The following CD63 variants were observed in gnomAD, a reference collection of about 807,000 sequenced individuals.
CD63 encodes the protein CD63 molecule.
Under a neutral mutation model 29.2 loss-of-function variants are expected in CD63, and 16 were observed. That is an observed-to-expected ratio of 0.55 (90% CI 0.37 to 0.83). The LOEUF (loss-of-function observed/expected upper bound fraction) is 0.83. Ranked by LOEUF, CD63 falls within the 40% of genes least tolerant of loss-of-function variation. The pLI is 0.00. For missense variants in CD63, 251 were observed against 297.3 expected, an observed-to-expected ratio of 0.84 and a Z score of 1.15; for synonymous variants, 118 against 111.7, an observed-to-expected ratio of 1.06 and a Z score of -0.36.
At chr12:55,726,334 CTTT>C (rs777731653) in intron 5 of CD63, 73 bp from the exon 6 acceptor site, 7,011 of 275,756 alleles carry the variant, frequency 0.025, no homozygotes, top group Middle Eastern at 0.045. Flanking sequence ...GATGAGAATT[CTTT>C]TTTTTTTTTT....
chr12:55,723,580 A>G, downstream of CD63: 1 of 364,206 alleles, frequency 2.7e-6, no homozygotes, highest in Non-Finnish European at 5.2e-6. Context: ...GTTACATTGT[A>G]AACTGTTATA....
chr12:55,724,145 A>G, downstream of CD63: 2 of 1,509,318 alleles, frequency 1.3e-6, no homozygotes, highest in Non-Finnish European at 9.0e-7. Context: ...TGGGGCACCC[A>G]GGGCAGGGTT....
chr12:55,729,155 G>A, upstream of CD63: 1 of 984,228 alleles, frequency 1.0e-6, no homozygotes, highest in East Asian at 1.1e-4. Flanking sequence ...CCGGCGCGGG[G>A]TGGGCCGAGC....
chr12:55,729,589 C>T (rs1300926199), upstream of CD63: 1 of 152,314 alleles, frequency 6.6e-6, no homozygotes, highest in Non-Finnish European at 1.5e-5. Flanking sequence ...CTGGGTGTCT[C>T]CCAACATTCT....
chr12:55,725,918 G>A, intron 6 of CD63, 22 bp from the exon 7 acceptor site: 2 of 1,611,166 alleles, frequency 1.2e-6, no homozygotes, highest in Non-Finnish European at 1.7e-6. Context: ...AGGCACAAAG[G>A]ACAAAAGCAC....
At chr12:55,727,689 G>C in intron 2 of CD63, 1 of 1,075,710 alleles carries the variant, frequency 9.3e-7, no homozygotes, top group Non-Finnish European at 1.1e-6. Flanking sequence ...CTATCCTCCA[G>C]TGCACATCCC....
Position 55,728,019 on chromosome 12 carries a change from T to A in CD63, c.66+257A>T. 1.1e-6 allele frequency: 1 copy of A among 923,778 alleles called. No individual in the cohort carries two copies. The highest frequency in any genetic ancestry group is 1.5e-6 in the Non-Finnish European group (1 of 655,866). The allele number at this position is 923,778 out of a possible 1,614,324, so 57.2% of individuals were successfully genotyped here. Reference sequence around the variant, plus strand: ...CCCCACTGCCCCATATCACAAGTGGTTGGGTCACCAGACAGGAAGGGCCAG... The same window carrying A: ...CCCCACTGCCCCATATCACAAGTGGATGGGTCACCAGACAGGAAGGGCCAG... On this transcript the variant is annotated intron_variant, in intron 2 of 7. Transcript: ENST00000257857. This position sits in a 1 kb window ranked among gnomAD's most constrained non-coding sequence, Gnocchi z 4.8.
downstream of CD63, chr12:55,723,570 G>T: frequency 3.0e-6 from 1 of 335,750 alleles, no homozygotes; most frequent in South Asian, 2.7e-5. Context: ...TTTTTAAATG[G>T]TTACATTGTA....
chr12:55,728,403 C>CG lies in CD63; in HGVS notation c.-11-52dup. 3 of 1,565,772 alleles carry CG rather than the reference C, an allele frequency of 1.9e-6. No individual in the cohort carries two copies. Among genetic ancestry groups the CG allele is most frequent in the Non-Finnish European group, 2.6e-6 (3 of 1,155,860 alleles). On this transcript the variant is annotated intron_variant, in intron 1 of 7. Coordinates refer to ENST00000257857, the MANE Select transcript of CD63 (RefSeq NM_001780.6). The surrounding 1 kb of genome is among the most constrained non-coding windows in gnomAD (Gnocchi z 4.8). ...ATTAAAACTGGCCGAAGGGGGACCT[C>CG]GGTTTCCGGGCTCCCGGCCGGCCCT...
In CD63 at chr12:55,728,525, A is replaced by T; in HGVS notation, c.-11-173T>A. 1 of 1,450,108 alleles carries T rather than the reference A, an allele frequency of 6.9e-7. No individual in the cohort carries two copies. Among genetic ancestry groups the T allele is most frequent in the Non-Finnish European group, 9.0e-7 (1 of 1,106,166 alleles). 89.8% of individuals were successfully genotyped at this position (1,450,108 alleles called of 1,614,324 possible). On this transcript the variant is annotated intron_variant, in intron 1 of 7. Transcript: ENST00000257857. The surrounding 1 kb of genome is among the most constrained non-coding windows in gnomAD (Gnocchi z 4.8). ...CCAGCCCCCTCTTTACCCGCAGGAG[A>T]GGGGTGGGGGCGACGGCCGCGAAGC...
At chr12:55,724,589 TTGATTTATTTC>T (rs1877116013), downstream of CD63, 2 of 1,568,396 alleles carry the variant, frequency 1.3e-6, no homozygotes, top group African/African-American at 1.3e-5. Flanking sequence ...GACAAGGACT[TTGATTTATTTC>T]TGCCCCCACC....
chr12:55,726,438 GGGTTCAAGC>G, intron 5 of CD63, 177 bp from the exon 6 acceptor site: 1 of 616,870 alleles, frequency 1.6e-6, no homozygotes, highest in East Asian at 3.0e-5. Flanking sequence ...TCCGCCTCCC[GGGTTCAAGC>G]GATTCTCCTG....
Position 55,728,201 on chromosome 12 carries a change from C to T in CD63, c.66+75G>A. ...CTCCAGCTGCCTTAATTCTCATTCC[C>T]TCAGCCCTCACCACTGTGGAGCCAG... is the stretch of plus-strand genomic sequence containing the variant. On this transcript the variant is annotated intron_variant, in intron 2 of 7. Transcript: ENST00000257857. This position sits in a 1 kb window ranked among gnomAD's most constrained non-coding sequence, Gnocchi z 4.8. 2.3e-6 allele frequency: 3 copies of T among 1,323,644 alleles called. No individual in the cohort carries two copies. The highest frequency in any genetic ancestry group is 2.9e-5 in the African/African-American group (2 of 69,214). 82.0% of individuals were successfully genotyped at this position (1,323,644 alleles called of 1,614,324 possible).
downstream of CD63, chr12:55,723,634 T>C (rs1877033245): frequency 2.0e-6 from 1 of 511,636 alleles, no homozygotes; most frequent in Non-Finnish European, 3.5e-6. Context: ...TGGCCTGCCA[T>C]GCTTAAAATA....
At chr12:55,724,414 C>G, downstream of CD63, 1 of 1,614,224 alleles carries the variant, frequency 6.2e-7, no homozygotes. Flanking sequence ...GACTGCTCGA[C>G]ACCCCCGAAC....
At chr12:55,729,384 G>A (rs1377975145), upstream of CD63, 1 of 153,738 alleles carries the variant, frequency 6.5e-6, no homozygotes, top group African/African-American at 2.4e-5. Context: ...CTGAGCGCCG[G>A]GGCGGAGAGC....
At position 55,728,018 on chromosome 12, in the gene CD63, G is replaced by A; in HGVS notation, c.66+258C>T. ...GCCCCACTGCCCCATATCACAAGTG[G>A]TTGGGTCACCAGACAGGAAGGGCCA... On this transcript the variant is annotated intron_variant, in intron 2 of 7. Coordinates refer to ENST00000257857, the MANE Select transcript of CD63 (RefSeq NM_001780.6). This position sits in a 1 kb window ranked among gnomAD's most constrained non-coding sequence, Gnocchi z 4.8. The A allele has an allele frequency of 3.2e-6, 3 of 935,108 alleles. No individual in the cohort carries two copies. Among genetic ancestry groups the A allele is most frequent in the Non-Finnish European group, 4.5e-6 (3 of 664,022 alleles). The allele number at this position is 935,108 out of a possible 1,614,324, so 57.9% of individuals were successfully genotyped here. A position where few individuals can be genotyped will look rare whatever the true frequency, so the allele number is the denominator to read the frequency against.
At chr12:55,729,962 T>G (rs1345837707), upstream of CD63, 1 of 152,152 alleles carries the variant, frequency 6.6e-6, no homozygotes, top group Non-Finnish European at 1.5e-5. Context: ...CCAGGGGTGG[T>G]CCCCAGAAGG....
At chr12:55,729,030 G>A, upstream of CD63, 2 of 985,108 alleles carry the variant, frequency 2.0e-6, no homozygotes, top group Non-Finnish European at 2.4e-6. Flanking sequence ...CCCGGCTCCC[G>A]CCCCGCCTGC....
Sources: allele counts gnomAD v4.1 joint callset, GRCh38; gene constraint gnomAD v4.1.1; non-coding constraint Gnocchi (gnomAD v3.1); transcripts MANE v1.5; gene names NCBI Gene and HGNC (gene_info 2026-07-23, HGNC 2026-07-21).